Variants in GALNT13 observed in about 807,000 individuals in gnomAD.
GALNT13 encodes the protein polypeptide N-acetylgalactosaminyltransferase 13.
Under a neutral mutation model 64.2 loss-of-function variants are expected in GALNT13, and 28 were observed. The ratio of observed to expected loss-of-function variants is 0.44; its 90% CI spans 0.32 to 0.60. The LOEUF is 0.60. Among genes scored for constraint, GALNT13 ranks in the 20% least tolerant of loss-of-function variants. The pLI is 0.05. For synonymous variants in GALNT13, 214 were observed against 224.6 expected (o/e 0.95, Z 0.42); for missense variants, 577 against 669.8 (o/e 0.86, Z 1.53).
At chr2:154,253,020 A>G (rs1307312446) in intron 7 of GALNT13, among the ~76,000 whole-genome samples, 1 of 152,210 alleles carries the variant, frequency 6.6e-6, no homozygotes, top group Non-Finnish European at 1.5e-5. Context: ...AATCTTGGTA[A>G]ACAGAGATGT....
chr2:153,489,259 A>G, the GALNT13 span, among the ~76,000 whole-genome samples: 4 of 152,342 alleles, frequency 2.6e-5, no homozygotes, highest in South Asian at 8.3e-4. Flanking sequence ...CTGCACATAT[A>G]CTTCCTAAAT....
At chr2:153,197,290 A>T in the GALNT13 span, among the ~76,000 whole-genome samples, 1 of 152,198 alleles carries the variant, frequency 6.6e-6, no homozygotes, top group Non-Finnish European at 1.5e-5. Context: ...CCCTGCTTCC[A>T]GGTGTCGTGC....
chr2:153,364,608 C>G, the GALNT13 span, among the ~76,000 whole-genome samples: 3 of 152,014 alleles, frequency 2.0e-5, no homozygotes, highest in African/African-American at 7.3e-5. Context: ...AGCAGAGAGC[C>G]AAATCATGAA....
intron 2 of GALNT13, among the ~76,000 whole-genome samples, chr2:153,917,365 C>T (rs7583989): frequency 0.72 from 108,654 of 151,918 alleles, 39,141 homozygotes; most frequent in East Asian, 0.9. Context: ...CAGGAACACA[C>T]AGAATATTTC....
At chr2:153,649,524 T>C in the GALNT13 span, among the ~76,000 whole-genome samples, 1 of 146,482 alleles carries the variant, frequency 6.8e-6, no homozygotes, top group Non-Finnish European at 1.5e-5. Context: ...ATGTGTTTGC[T>C]CTTGCTTTTC....
chr2:154,229,256 C>T (rs140533404), intron 4 of GALNT13, among the ~76,000 whole-genome samples: 159 of 152,184 alleles, frequency 1.0e-3, no homozygotes, highest in Non-Finnish European at 1.8e-3. Flanking sequence ...ATTTGACTTT[C>T]GTTATCAATA....
intron 9 of GALNT13, among the ~76,000 whole-genome samples, chr2:154,335,691 GTAA>G (rs1308771469): frequency 6.6e-6 from 1 of 151,834 alleles, no homozygotes; most frequent in African/African-American, 2.4e-5. Context: ...ATTATAACGC[GTAA>G]TATTATAGGG....
At chr2:153,888,770 C>T (rs1412466938) in intron 1 of GALNT13, among the ~76,000 whole-genome samples, 3 of 151,968 alleles carry the variant, frequency 2.0e-5, no homozygotes, top group Non-Finnish European at 4.4e-5. Flanking sequence ...TACTCACAGA[C>T]AGACAATTGA....
intron 7 of GALNT13, among the ~76,000 whole-genome samples, chr2:154,253,807 T>C (rs1030790402): frequency 6.6e-6 from 1 of 152,252 alleles, no homozygotes; most frequent in Non-Finnish European, 1.5e-5. Flanking sequence ...AACTTTCAAA[T>C]AGATTGTTCT....
At chr2:153,307,735 AT>A in the GALNT13 span, among the ~76,000 whole-genome samples, 4 of 151,936 alleles carry the variant, frequency 2.6e-5, no homozygotes, top group African/African-American at 4.8e-5. Flanking sequence ...GAGATCATAG[AT>A]TTTTTTTCTA....
the GALNT13 span, among the ~76,000 whole-genome samples, chr2:153,794,763 C>T: frequency 1.3e-5 from 2 of 152,184 alleles, no homozygotes; most frequent in Non-Finnish European, 2.9e-5. Flanking sequence ...TCGTGATCCA[C>T]CCGCCTTGGC....
intron 7 of GALNT13, among the ~76,000 whole-genome samples, chr2:154,254,125 A>G (rs553433015): frequency 4.1e-4 from 63 of 152,282 alleles, no homozygotes; most frequent in Non-Finnish European, 7.8e-4. Flanking sequence ...TCAAATTTGA[A>G]CATATAAGGG....
At chr2:153,595,869 A>G in the GALNT13 span, among the ~76,000 whole-genome samples, 10 of 152,198 alleles carry the variant, frequency 6.6e-5, no homozygotes, top group Non-Finnish European at 1.0e-4. Flanking sequence ...TGAGTGTACC[A>G]AACAATATAT....
intron 3 of GALNT13, among the ~76,000 whole-genome samples, chr2:153,988,251 C>A (rs1160659852): frequency 6.6e-6 from 1 of 151,848 alleles, no homozygotes; most frequent in Non-Finnish European, 1.5e-5. Context: ...TCCTGCTGTA[C>A]AATAGATCTA....
At chr2:153,569,100 G>GT in the GALNT13 span, among the ~76,000 whole-genome samples, 1 of 151,970 alleles carries the variant, frequency 6.6e-6, no homozygotes, top group Non-Finnish European at 1.5e-5. Flanking sequence ...GAAAACATAG[G>GT]TTTTTTTGGG....
chr2:153,948,764 A>T (rs575642499), intron 3 of GALNT13, among the ~76,000 whole-genome samples: 1 of 152,300 alleles, frequency 6.6e-6, no homozygotes, highest in Non-Finnish European at 1.5e-5. Flanking sequence ...ACAGAAAACC[A>T]AATAGCTCAT....
At chr2:153,911,291 C>T (rs1688917515) in intron 2 of GALNT13, among the ~76,000 whole-genome samples, 1 of 152,036 alleles carries the variant, frequency 6.6e-6, no homozygotes, top group African/African-American at 2.4e-5. Flanking sequence ...TAATTTTGAG[C>T]CTGTGAGTGT....
At chr2:153,133,755 A>C in the GALNT13 span, among the ~76,000 whole-genome samples, 5 of 151,562 alleles carry the variant, frequency 3.3e-5, no homozygotes, top group Admixed American at 6.6e-5. Context: ...AATAAATGTC[A>C]TCAAGTCTGA....
the GALNT13 span, chr2:153,477,801 C>G: frequency 5.8e-6 from 1 of 171,428 alleles, no homozygotes; most frequent in Non-Finnish European, 1.2e-5. Context: ...TTGTGAGACC[C>G]CATGAGTCTG....
Sources: allele counts gnomAD v4.1 joint callset (sites outside exome capture counted in the v4.1 genomes callset), GRCh38; gene constraint gnomAD v4.1.1; transcripts MANE v1.5; gene names NCBI Gene and HGNC (gene_info 2026-07-23, HGNC 2026-07-21).